Variants in GCSAML observed in about 807,000 individuals in gnomAD.
GCSAML encodes the protein germinal center associated signaling and motility like, also known as germinal center-associated signaling and motility-like protein.
Under a neutral mutation model 13.0 loss-of-function variants are expected in GCSAML, and 9 were observed. That is an observed-to-expected ratio of 0.69 (90% confidence interval 0.42 to 1.21). The LOEUF is 1.21. GCSAML is among the 50% of genes most tolerant of loss of function. The probability of loss-of-function intolerance (pLI) is 0.00; values close to 1 mark genes in which losing one functional copy is unlikely to be tolerated. For synonymous variants in GCSAML, 37 were observed against 52.9 expected (o/e 0.70, Z 1.31); for missense variants, 143 against 153.4 (o/e 0.93, Z 0.36).
chr1:247,554,255 A>G (rs955488029), intron 1 of GCSAML, among the ~76,000 whole-genome samples: 2 of 152,118 alleles, frequency 1.3e-5, no homozygotes, highest in African/African-American at 4.8e-5. Flanking sequence ...TTTCCAAGAT[A>G]TTATTCATTT....
At chr1:247,572,604 T>C (rs1668658807) in intron 4 of GCSAML, among the ~76,000 whole-genome samples, 1 of 152,224 alleles carries the variant, frequency 6.6e-6, no homozygotes, top group South Asian at 2.1e-4. Flanking sequence ...ACCTGCCAGA[T>C]GCCAGCTGGA....
intron 1 of GCSAML, among the ~76,000 whole-genome samples, chr1:247,523,006 CT>C (rs1291437487): frequency 6.6e-6 from 1 of 151,134 alleles, no homozygotes; most frequent in Non-Finnish European, 1.5e-5. Context: ...ATTGCTAACA[CT>C]CAGTCTAGTT....
At chr1:247,521,616 G>A (rs1162087234) in intron 1 of GCSAML, among the ~76,000 whole-genome samples, 1 of 152,192 alleles carries the variant, frequency 6.6e-6, no homozygotes, top group Non-Finnish European at 1.5e-5. Context: ...TCCTAACCGC[G>A]AGTGATCTGC....
At chr1:247,534,715 C>T (rs914904048) in intron 2 of GCSAML, among the ~76,000 whole-genome samples, 1 of 152,166 alleles carries the variant, frequency 6.6e-6, no homozygotes, top group Non-Finnish European at 1.5e-5. Flanking sequence ...TATCAGCCTT[C>T]TTAAAATCCC....
chr1:247,560,778 G>C (rs1209049326), intron 2 of GCSAML, among the ~76,000 whole-genome samples: 2 of 152,088 alleles, frequency 1.3e-5, no homozygotes, highest in East Asian at 3.8e-4. Flanking sequence ...GAATGCTTGA[G>C]ATCCACTCTT....
At chr1:247,565,175 C>T (rs1272402815) in intron 3 of GCSAML, among the ~76,000 whole-genome samples, 7 of 151,982 alleles carry the variant, frequency 4.6e-5, no homozygotes, top group South Asian at 2.1e-4. Context: ...CTGGCTAACA[C>T]GGTGAAACCC....
At chr1:247,522,314 G>A (rs1440712115) in intron 1 of GCSAML, among the ~76,000 whole-genome samples, 3 of 62,412 alleles carry the variant, frequency 4.8e-5, no homozygotes, top group Non-Finnish European at 7.5e-5. Context: ...GCCTCCACCT[G>A]GCCGCCGCCC....
intron 1 of GCSAML, among the ~76,000 whole-genome samples, chr1:247,521,694 C>T (rs1482924815): frequency 1.3e-5 from 2 of 152,208 alleles, no homozygotes; most frequent in African/African-American, 2.4e-5. Flanking sequence ...CAATGTTGCC[C>T]AGGCTGGAGC....
At position 247,576,259 on chromosome 1, in the gene GCSAML, T is replaced by G. The variant is rs545657963; in HGVS notation, c.*1877T>G. On this transcript the variant is annotated 3_prime_UTR_variant, in exon 5 of 5. Coordinates refer to ENST00000366488, the MANE Select transcript of GCSAML (RefSeq NM_145278.5). ...AAGTCAGTGCTCAAAAAGTTTCAGATGTTAAGCTGGTGATGCAGTTCATGC... is the reference window on the plus strand; with the variant it reads ...AAGTCAGTGCTCAAAAAGTTTCAGAGGTTAAGCTGGTGATGCAGTTCATGC... The G allele has an allele frequency of 1.4e-4, 21 of 152,320 alleles. No individual in the cohort carries two copies. Among genetic ancestry groups the G allele is most frequent in the African/African-American group, 4.1e-4 (17 of 41,564 alleles). The allele number at this position is 152,320 out of a possible 1,614,324, so 9.4% of individuals were successfully genotyped here.
At chr1:247,556,383 T>C in intron 1 of GCSAML, 24 bp from the exon 2 acceptor site, 1 of 1,581,080 alleles carries the variant, frequency 6.3e-7, no homozygotes. Context: ...CAATCTCTCT[T>C]TTTTCTTATG....
intron 2 of GCSAML, among the ~76,000 whole-genome samples, chr1:247,563,059 A>G (rs958120496): frequency 1.4e-5 from 2 of 146,392 alleles, no homozygotes; most frequent in Admixed American, 7.0e-5. Context: ...CGTGTTGGCC[A>G]GGAAGGTCTC....
intron 1 of GCSAML, among the ~76,000 whole-genome samples, chr1:247,554,582 C>T (rs1667892665): frequency 1.3e-5 from 2 of 152,140 alleles, no homozygotes; most frequent in South Asian, 4.1e-4. Context: ...TCACACTTCA[C>T]TTTATCCTTC....
chr1:247,530,370 T>C (rs936969063), intron 2 of GCSAML: 3 of 152,080 alleles, frequency 2.0e-5, no homozygotes, highest in African/African-American at 7.2e-5. Flanking sequence ...GTCCTTTAGA[T>C]ACACTGTATA....
chr1:247,552,706 G>C (rs1177607088), intron 1 of GCSAML, among the ~76,000 whole-genome samples: 3 of 152,194 alleles, frequency 2.0e-5, no homozygotes, highest in Admixed American at 2.0e-4. Flanking sequence ...AGACAACATT[G>C]TGAATATAGA....
At chr1:247,563,553 C>T in intron 2 of GCSAML, 37 bp from the exon 3 acceptor site, 1 of 1,321,570 alleles carries the variant, frequency 7.6e-7, no homozygotes, top group Non-Finnish European at 1.1e-6. Context: ...CTTTGGAGAA[C>T]CTGGAGTATC....
At chr1:247,563,471 A>G (rs952825426) in intron 2 of GCSAML, 119 bp from the exon 3 acceptor site, 2 of 566,998 alleles carry the variant, frequency 3.5e-6, no homozygotes, top group African/African-American at 3.9e-5. Flanking sequence ...TGTATTTAAT[A>G]TTTGCATGGA....
At chr1:247,548,799 T>G (rs116153914), upstream of GCSAML, among the ~76,000 whole-genome samples, 1,947 of 152,334 alleles carry the variant, frequency 0.013, 43 homozygotes, top group African/African-American at 0.044. The surrounding 1 kb of genome is among the most constrained non-coding windows in gnomAD (Gnocchi z 5.3). Context: ...CTTATTATTA[T>G]GCTCACTTCG....
Position 247,574,265 on chromosome 1 carries a change from G to T in GCSAML, c.291G>T (p.Arg97Ser), listed in dbSNP as rs1668747570. ...ATGAGAACATTGACTCCCTCACAAG[G>T]AAAGTGAGACAGTTTAGAGAAAGGT... ...DGYENIDSLT[R>S]KVRQFRERSE... The change falls in exon 5 of 5, where the codon AGG (arginine) becomes AGT (serine). Residue 97 changes from arginine to serine, a missense_variant. Transcript: ENST00000366488. 6.2e-7 allele frequency: 1 copy of T among 1,613,970 alleles called. No homozygotes were observed. Among genetic ancestry groups the T allele is most frequent in the South Asian group, 1.1e-5 (1 of 91,084 alleles).
At chr1:247,530,039 G>GTA (rs1491263189) in intron 2 of GCSAML, 4 of 104,184 alleles carry the variant, frequency 3.8e-5, no homozygotes, top group East Asian at 2.1e-4. Context: ...CCCCCTCAGG[G>GTA]TGTGTGTGTG....
Sources: allele counts gnomAD v4.1 joint callset (sites outside exome capture counted in the v4.1 genomes callset), GRCh38; gene constraint gnomAD v4.1.1; non-coding constraint Gnocchi (gnomAD v3.1); transcripts MANE v1.5; gene names NCBI Gene and HGNC (gene_info 2026-07-23, HGNC 2026-07-21).